The following PLEKHA7 variants were observed in gnomAD, a reference collection of about 807,000 sequenced individuals.
PLEKHA7 encodes the protein pleckstrin homology domain containing A7.
In PLEKHA7, 104 loss-of-function variants were observed where a neutral mutation model predicts 170.0. The observed-to-expected ratio is 0.61, with a 90% CI of 0.52 to 0.72. PLEKHA7 has a LOEUF of 0.72. Among genes scored for constraint, PLEKHA7 ranks in the 30% least tolerant of loss-of-function variants. The pLI is 0.00. For missense variants in PLEKHA7, 1,615 were observed against 1,671.7 expected (o/e 0.97, Z 0.59); for synonymous variants, 648 against 660.8 (o/e 0.98, Z 0.30).
chr11:16,871,216 G>A lies in PLEKHA7; in HGVS notation c.222-34C>T, dbSNP rs569129190. The A allele has an allele frequency of 6.6e-5, 100 of 1,523,420 alleles. No individual in the cohort carries two copies. In the East Asian group the frequency reaches 1.9e-3, roughly 28 times the overall value. 94.4% of individuals were successfully genotyped at this position (1,523,420 alleles called of 1,614,324 possible). A position where few individuals can be genotyped will look rare whatever the true frequency, so the allele number is the denominator to read the frequency against. ...AAAGAGAGAAGATGGATGAGAATTC[G>A]TGTGAATGGAAGGAGTACAGACACG... On this transcript the variant is annotated intron_variant, in intron 3 of 26. Coordinates refer to ENST00000531066, the MANE Select transcript of PLEKHA7 (RefSeq NM_001329630.2).
chr11:16,995,436 C>G (rs1010672411), intron 3 of PLEKHA7, among the ~76,000 whole-genome samples: 3 of 152,122 alleles, frequency 2.0e-5, no homozygotes, highest in African/African-American at 7.2e-5. Context: ...CTCTCGTCCC[C>G]GCCCAATCCC....
chr11:16,862,238 C>T (rs1423555292), intron 4 of PLEKHA7, among the ~76,000 whole-genome samples: 1 of 152,190 alleles, frequency 6.6e-6, no homozygotes, highest in Non-Finnish European at 1.5e-5. Context: ...AAACAGCAGC[C>T]TCTCACTTGG....
chr11:16,782,683 C>G, intron 26 of PLEKHA7, 71 bp downstream of exon 26: 1 of 1,513,200 alleles, frequency 6.6e-7, no homozygotes, highest in South Asian at 1.2e-5. Flanking sequence ...CTGGAACAGG[C>G]CATGCTGGGC....
chr11:16,889,255 T>C (rs1856435813), intron 3 of PLEKHA7, among the ~76,000 whole-genome samples: 2 of 151,834 alleles, frequency 1.3e-5, no homozygotes, highest in Non-Finnish European at 1.5e-5. Flanking sequence ...CCTCCTCCTC[T>C]GCTAACAATA....
chr11:16,805,879 G>C (rs1032433883), intron 13 of PLEKHA7, among the ~76,000 whole-genome samples: 1 of 151,620 alleles, frequency 6.6e-6, no homozygotes, highest in Non-Finnish European at 1.5e-5. Flanking sequence ...CTATAAGCTC[G>C]ACTGACACGA....
At chr11:16,982,443 C>T (rs1355134582) in intron 3 of PLEKHA7, among the ~76,000 whole-genome samples, 2 of 152,210 alleles carry the variant, frequency 1.3e-5, no homozygotes, top group Non-Finnish European at 2.9e-5. Flanking sequence ...AGTGCTGAGC[C>T]CAGAAACAGA....
intron 3 of PLEKHA7, among the ~76,000 whole-genome samples, chr11:17,013,730 A>C (rs890024618): frequency 1.3e-5 from 2 of 152,066 alleles, no homozygotes; most frequent in African/African-American, 4.8e-5. Context: ...ATCCAGCCGG[A>C]TTGCAAGGTC....
intron 3 of PLEKHA7, among the ~76,000 whole-genome samples, chr11:16,971,642 C>G (rs79830480): frequency 0.022 from 3,310 of 152,248 alleles, 145 homozygotes; most frequent in African/African-American, 0.076. Context: ...AAATGTTTCT[C>G]TGGAACCCAA....
chr11:16,847,090 CTT>C (rs59132787), intron 8 of PLEKHA7, among the ~76,000 whole-genome samples: 14 of 70,822 alleles, frequency 2.0e-4, no homozygotes, highest in Middle Eastern at 0.014. Flanking sequence ...TTTTTTTTTT[CTT>C]TTTTTTTTTT....
chr11:16,966,290 ATGTGTG>A (rs112176840), intron 3 of PLEKHA7, among the ~76,000 whole-genome samples: 267 of 149,106 alleles, frequency 1.8e-3, no homozygotes, highest in African/African-American at 2.4e-3. Context: ...TTGTGCATGT[ATGTGTG>A]TGTGTGTGTG....
At chr11:16,838,031 A>C (rs552867065) in intron 9 of PLEKHA7, among the ~76,000 whole-genome samples, 12 of 152,320 alleles carry the variant, frequency 7.9e-5, no homozygotes, top group Admixed American at 2.6e-4. Context: ...CAGCATTCTG[A>C]TTTTCAAAGA....
intron 3 of PLEKHA7, among the ~76,000 whole-genome samples, chr11:16,949,718 C>G (rs1861282169): frequency 6.6e-6 from 1 of 152,126 alleles, no homozygotes. Context: ...GAGAGTCTAT[C>G]TAGCACAGGA....
chr11:16,942,952 G>A (rs901892057), intron 3 of PLEKHA7, among the ~76,000 whole-genome samples: 2 of 152,166 alleles, frequency 1.3e-5, no homozygotes, highest in Admixed American at 6.5e-5. Context: ...CAATGCTAAC[G>A]CTCAAAGTTG....
chr11:16,904,114 C>A (rs1162923512), intron 3 of PLEKHA7, among the ~76,000 whole-genome samples: 3 of 152,206 alleles, frequency 2.0e-5, no homozygotes. Flanking sequence ...CCATTTTGGG[C>A]TCCCTCTTGA....
At chr11:16,952,957 C>G (rs1456969024) in intron 3 of PLEKHA7, among the ~76,000 whole-genome samples, 1 of 152,228 alleles carries the variant, frequency 6.6e-6, no homozygotes, top group Non-Finnish European at 1.5e-5. Context: ...ACAATGGCAT[C>G]TACATATATT....
intron 10 of PLEKHA7, among the ~76,000 whole-genome samples, chr11:16,820,195 C>A (rs72864016): frequency 6.6e-6 from 1 of 152,210 alleles, no homozygotes. Context: ...TTCTAGTGCT[C>A]TGTAAGGTTT....
At chr11:16,994,699 C>T (rs1345022871) in intron 3 of PLEKHA7, among the ~76,000 whole-genome samples, 1 of 152,090 alleles carries the variant, frequency 6.6e-6, no homozygotes, top group Admixed American at 6.5e-5. Context: ...CTGTGCTATC[C>T]CTCTCCCAAA....
At chr11:16,983,567 T>G (rs11024100) in intron 3 of PLEKHA7, among the ~76,000 whole-genome samples, 1 of 152,100 alleles carries the variant, frequency 6.6e-6, no homozygotes, top group Admixed American at 6.5e-5. Flanking sequence ...ATGTGGCATT[T>G]CTCGTTTACT....
intron 3 of PLEKHA7, among the ~76,000 whole-genome samples, chr11:16,995,335 T>C (rs1283055845): frequency 6.6e-6 from 1 of 152,196 alleles, no homozygotes; most frequent in African/African-American, 2.4e-5. Context: ...GGCCAGTGCT[T>C]GGCACACATC....
Sources: allele counts gnomAD v4.1 joint callset (sites outside exome capture counted in the v4.1 genomes callset), GRCh38; gene constraint gnomAD v4.1.1; transcripts MANE v1.5; gene names NCBI Gene and HGNC (gene_info 2026-07-23, HGNC 2026-07-21).